The following TBC1D23 variants were observed in gnomAD, a reference collection of about 807,000 sequenced individuals.
TBC1D23 encodes the protein TBC1 domain family member 23, also known as HCV non-structural protein 4A-transactivated protein 1.
In TBC1D23, 55 loss-of-function variants were observed where a neutral mutation model predicts 91.4. The ratio of observed to expected loss-of-function variants is 0.60; its 90% CI spans 0.48 to 0.75. The LOEUF (loss-of-function observed/expected upper bound fraction) is 0.75, where lower values mean the gene tolerates loss of function less well. Among genes scored for constraint, TBC1D23 ranks in the 30% least tolerant of loss-of-function variants. The probability of loss-of-function intolerance (pLI) is 0.00; values close to 1 mark genes in which losing one functional copy is unlikely to be tolerated. For missense variants in TBC1D23, 725 were observed against 836.1 expected (o/e 0.87, Z 1.64); for synonymous variants, 289 against 281.0 (o/e 1.03, Z -0.28).
In TBC1D23 at chr3:100,323,824, G is replaced by A; in HGVS notation, c.*156G>A. 2 of 292,840 alleles carry A rather than the reference G, an allele frequency of 6.8e-6. No homozygotes were observed. Among genetic ancestry groups the A allele is most frequent in the Non-Finnish European group, 1.3e-5 (2 of 156,070 alleles). 18.1% of individuals were successfully genotyped at this position (292,840 alleles called of 1,614,324 possible). A position where few individuals can be genotyped will look rare whatever the true frequency, so the allele number is the denominator to read the frequency against. ...TGTAAATTATTATAATCAATCTGTGGACAGTAAACTTTTTAAAAATTTTTC... is the reference window on the plus strand; with the variant it reads ...TGTAAATTATTATAATCAATCTGTGAACAGTAAACTTTTTAAAAATTTTTC... On this transcript the variant is annotated 3_prime_UTR_variant, in exon 19 of 19. Transcript: ENST00000394144.
intron 13 of TBC1D23, among the ~76,000 whole-genome samples, chr3:100,308,432 G>A (rs964688898): frequency 1.5e-4 from 23 of 151,126 alleles, no homozygotes; most frequent in African/African-American, 4.6e-4. Flanking sequence ...CCCACATCCC[G>A]CCACTGCACT....
intron 11 of TBC1D23, 148 bp downstream of exon 11, chr3:100,302,385 G>T: frequency 5.4e-6 from 3 of 556,624 alleles, no homozygotes; most frequent in Middle Eastern, 4.9e-4. Flanking sequence ...TTTCTCATAT[G>T]CTTATATGAT....
intron 7 of TBC1D23, 103 bp from the exon 8 acceptor site, chr3:100,296,069 C>T (rs771472169): frequency 1.0e-4 from 61 of 581,258 alleles, no homozygotes; most frequent in Non-Finnish European, 1.5e-4. Context: ...AGTGTTGAGA[C>T]TCCATTTGCA....
chr3:100,273,500 A>C (rs1290134718), intron 1 of TBC1D23, among the ~76,000 whole-genome samples: 3 of 152,216 alleles, frequency 2.0e-5, no homozygotes, highest in Non-Finnish European at 2.9e-5. Context: ...GACATTCTTC[A>C]CAAAACTAGA....
intron 5 of TBC1D23, among the ~76,000 whole-genome samples, chr3:100,293,246 G>C (rs1300752494): frequency 6.6e-6 from 1 of 152,054 alleles, no homozygotes; most frequent in Non-Finnish European, 1.5e-5. Flanking sequence ...CCATTCTTCT[G>C]CCTCAGCCTC....
chr3:100,299,303 C>A lies in TBC1D23; in HGVS notation c.1064C>A (p.Ser355Ter). The change falls in exon 10 of 19, where the codon TCA becomes TAA. Residue 355 changes from serine (S) to a stop codon, truncating the protein, a stop_gained. Transcript: ENST00000394144. LOFTEE classifies it high-confidence loss of function. ...PAEQYNAGHL[S>*]TAFHLDSDLM... ...GAACAATATAATGCTGGGCATTTATCAACTGCTTTCCACTTAGATTCAGAC... is the reference window on the plus strand; with the variant it reads ...GAACAATATAATGCTGGGCATTTATAAACTGCTTTCCACTTAGATTCAGAC... 1.9e-6 allele frequency: 3 copies of A among 1,611,314 alleles called. No homozygotes were observed. The South Asian group carries it at 3.3e-5, about 18-fold the overall frequency.
chr3:100,262,699 C>T (rs2067521852), intron 1 of TBC1D23, among the ~76,000 whole-genome samples: 1 of 109,816 alleles, frequency 9.1e-6, no homozygotes, highest in Admixed American at 1.5e-4. Flanking sequence ...CTGTCCAGCC[C>T]GGCGGCAGTG....
intron 11 of TBC1D23, 78 bp downstream of exon 11, chr3:100,302,315 C>A: frequency 8.2e-7 from 1 of 1,222,296 alleles, no homozygotes; most frequent in South Asian, 1.9e-5. Flanking sequence ...TAACTTTTTG[C>A]TTGTCAGATT....
intron 4 of TBC1D23, among the ~76,000 whole-genome samples, chr3:100,287,215 C>T (rs1439526327): frequency 6.6e-6 from 1 of 152,092 alleles, no homozygotes; most frequent in African/African-American, 2.4e-5. Context: ...TAAGCTCAAG[C>T]GATTCTCCTG....
intron 4 of TBC1D23, among the ~76,000 whole-genome samples, chr3:100,284,919 T>C (rs1259489018): frequency 6.6e-6 from 1 of 152,158 alleles, no homozygotes; most frequent in Non-Finnish European, 1.5e-5. Context: ...GGCATCAGTT[T>C]GTTTAGAGCT....
intron 18 of TBC1D23, among the ~76,000 whole-genome samples, chr3:100,321,440 C>A (rs1705856715): frequency 6.6e-6 from 1 of 152,132 alleles, no homozygotes; most frequent in Non-Finnish European, 1.5e-5. Context: ...GGCCCAAGAG[C>A]TGTGGACCAC....
rs1416163171 is a variant in TBC1D23 at position 100,261,079 on chromosome 3, A to G, written c.53+8A>G. On this transcript the variant is annotated splice_region_variant and intron_variant, in intron 1 of 18. Transcript: ENST00000394144. ...GTCGAGCGGCGACGGCTGGTGAGTGAAAGCCGGGGCTAATTTCCAATGCCC... is the reference window on the plus strand; with the variant it reads ...GTCGAGCGGCGACGGCTGGTGAGTGGAAGCCGGGGCTAATTTCCAATGCCC... The G allele has an allele frequency of 6.2e-7, 1 of 1,612,680 alleles. No homozygotes were observed. Among genetic ancestry groups the G allele is most frequent in the Non-Finnish European group, 8.5e-7 (1 of 1,178,736 alleles).
chr3:100,311,198 A>G (rs908600416), intron 14 of TBC1D23, among the ~76,000 whole-genome samples: 3 of 152,172 alleles, frequency 2.0e-5, no homozygotes, highest in Non-Finnish European at 4.4e-5. Flanking sequence ...ATTTGTTTTA[A>G]GGAAGCCTCA....
intron 1 of TBC1D23, among the ~76,000 whole-genome samples, chr3:100,278,520 G>T (rs145888733): frequency 6.6e-6 from 1 of 152,142 alleles, no homozygotes; most frequent in East Asian, 1.9e-4. Context: ...AAGTAGCTGG[G>T]ATTACAGGGA....
chr3:100,310,292 CAT>C (rs955404933), intron 13 of TBC1D23, 109 bp from the exon 14 acceptor site: 19 of 936,888 alleles, frequency 2.0e-5, no homozygotes, highest in Non-Finnish European at 2.4e-5. Context: ...AGGACTTCAA[CAT>C]ATGATTTTGG....
chr3:100,268,095 G>A (rs1031246727), intron 1 of TBC1D23, among the ~76,000 whole-genome samples: 2 of 152,122 alleles, frequency 1.3e-5, no homozygotes, highest in African/African-American at 4.8e-5. Flanking sequence ...TTGCTTTAAC[G>A]GGATGAATCG....
intron 13 of TBC1D23, among the ~76,000 whole-genome samples, chr3:100,306,822 A>G (rs1215826891): frequency 6.6e-6 from 1 of 152,214 alleles, no homozygotes; most frequent in Non-Finnish European, 1.5e-5. Flanking sequence ...GTAGTTTGGT[A>G]TCATGTAGTG....
chr3:100,291,420 A>G (rs988168068), intron 5 of TBC1D23, among the ~76,000 whole-genome samples: 9 of 152,122 alleles, frequency 5.9e-5, no homozygotes, highest in African/African-American at 1.9e-4. Flanking sequence ...TGTCTCTACT[A>G]AAAATACAAA....
chr3:100,310,403 G>A lies in TBC1D23; in HGVS notation c.1414G>A (p.Gly472Ser), dbSNP rs773132044. 4 of 1,606,676 alleles carry A rather than the reference G, an allele frequency of 2.5e-6. No homozygotes were observed. Among genetic ancestry groups the A allele is most frequent in the African/African-American group, 1.3e-5 (1 of 74,390 alleles). Residue 472 changes from glycine (G) to serine (S), a missense_variant and splice_region_variant, in exon 14 of 19, where the codon GGT becomes AGT. Gly to Ser is a moderately conservative substitution (Grantham distance 56, BLOSUM62 0). Coordinates refer to ENST00000394144, the MANE Select transcript of TBC1D23 (RefSeq NM_001199198.3). Reference sequence around the variant, plus strand: ...TTAATCCATTATGTTCTTTTTTTAGGGTGAATCTCCTAATGGCTCAAGTGA... The same window carrying A: ...TTAATCCATTATGTTCTTTTTTTAGAGTGAATCTCCTAATGGCTCAAGTGA... Reference protein sequence around the residue: ...GSRSSINSVDGESPNGSSDRG... With the variant: ...GSRSSINSVDSESPNGSSDRG...
Sources: allele counts gnomAD v4.1 joint callset (sites outside exome capture counted in the v4.1 genomes callset), GRCh38; gene constraint gnomAD v4.1.1; transcripts MANE v1.5; gene names NCBI Gene and HGNC (gene_info 2026-07-23, HGNC 2026-07-21).